The following ARB2A variants were observed in gnomAD, a reference collection of about 807,000 sequenced individuals.
ARB2A encodes ARB2 cotranscriptional regulator A, also known as cotranscriptional regulator ARB2A.
At chr5:94,106,442 T>C in the ARB2A span, among the ~76,000 whole-genome samples, 1 of 151,856 alleles carries the variant, frequency 6.6e-6, no homozygotes, top group African/African-American at 2.4e-5. Context: ...CTCACAACAG[T>C]TGGAAGGGCT....
the ARB2A span, among the ~76,000 whole-genome samples, chr5:93,998,017 A>G: frequency 2.0e-5 from 3 of 150,696 alleles, no homozygotes; most frequent in East Asian, 5.8e-4. Context: ...ACACACACAC[A>G]GAGAGAGAAA....
chr5:93,825,811 T>C, the ARB2A span, among the ~76,000 whole-genome samples: 4 of 151,886 alleles, frequency 2.6e-5, no homozygotes, highest in African/African-American at 9.6e-5. Context: ...TACATTCCCA[T>C]AGTTAGATGT....
chr5:94,037,816 C>A, the ARB2A span, among the ~76,000 whole-genome samples: 1 of 152,056 alleles, frequency 6.6e-6, no homozygotes, highest in African/African-American at 2.4e-5. Flanking sequence ...GTAAATACAG[C>A]CATTGAAAAA....
the ARB2A span, among the ~76,000 whole-genome samples, chr5:93,796,101 T>C: frequency 1.3e-5 from 2 of 152,306 alleles, no homozygotes; most frequent in Non-Finnish European, 2.9e-5. Flanking sequence ...AGGATAAGTA[T>C]GGACAGAGAG....
chr5:94,061,063 C>G, the ARB2A span, among the ~76,000 whole-genome samples: 1 of 152,078 alleles, frequency 6.6e-6, no homozygotes, highest in African/African-American at 2.4e-5. Context: ...ACGGTGAAAC[C>G]CTGTCTCTAC....
chr5:93,843,930 A>ACT, the ARB2A span, among the ~76,000 whole-genome samples: 1 of 152,100 alleles, frequency 6.6e-6, no homozygotes, highest in Non-Finnish European at 1.5e-5. Context: ...CTGATAGATT[A>ACT]AAGTGACTAA....
chr5:93,936,947 T>G, the ARB2A span, among the ~76,000 whole-genome samples: 2 of 150,962 alleles, frequency 1.3e-5, no homozygotes, highest in African/African-American at 4.9e-5. Flanking sequence ...AAGGTTTTTT[T>G]TTTTTTTTTT....
chr5:93,916,191 C>T, the ARB2A span, among the ~76,000 whole-genome samples: 2 of 152,090 alleles, frequency 1.3e-5, no homozygotes, highest in African/African-American at 4.8e-5. Flanking sequence ...CTCCTTCTAT[C>T]ATTGTGAATT....
At chr5:93,865,788 A>G in the ARB2A span, 1 of 985,450 alleles carries the variant, frequency 1.0e-6, no homozygotes, top group Non-Finnish European at 1.2e-6. Flanking sequence ...ATAAATAAGT[A>G]AATCAACATT....
chr5:93,888,331 G>A, the ARB2A span, among the ~76,000 whole-genome samples: 5 of 151,754 alleles, frequency 3.3e-5, no homozygotes, highest in Admixed American at 6.6e-5. Context: ...ATACCCACAC[G>A]TTTATACATT....
the ARB2A span, among the ~76,000 whole-genome samples, chr5:93,678,025 G>A: frequency 1.3e-5 from 2 of 152,216 alleles, no homozygotes; most frequent in African/African-American, 4.8e-5. Context: ...TGTGTTTTGA[G>A]AGGGTAGCAC....
the ARB2A span, chr5:93,776,178 A>G: frequency 6.2e-7 from 1 of 1,609,420 alleles, no homozygotes. Flanking sequence ...CCCGGGGGCA[A>G]TCAGGTAGCA....
chr5:93,643,813 A>G, the ARB2A span, among the ~76,000 whole-genome samples: 1 of 152,232 alleles, frequency 6.6e-6, no homozygotes, highest in African/African-American at 2.4e-5. Flanking sequence ...TTAAAATTCA[A>G]TTTTAAGCAA....
the ARB2A span, among the ~76,000 whole-genome samples, chr5:93,856,265 G>A: frequency 6.6e-6 from 1 of 152,080 alleles, no homozygotes; most frequent in African/African-American, 2.4e-5. Flanking sequence ...GTGTCTTGGA[G>A]TTGCTCTTCT....
At chr5:93,983,193 GTGTGTGTGTGT>G in the ARB2A span, among the ~76,000 whole-genome samples, 10 of 148,254 alleles carry the variant, frequency 6.7e-5, 1 homozygote, top group African/African-American at 2.2e-4. Flanking sequence ...GTGTGTGTGT[GTGTGTGTGTGT>G]GTGTGTGTGT....
At chr5:93,887,069 A>T in the ARB2A span, among the ~76,000 whole-genome samples, 3 of 151,742 alleles carry the variant, frequency 2.0e-5, no homozygotes, top group African/African-American at 7.3e-5. Context: ...CATAGCACTT[A>T]CTCATAAATC....
chr5:93,932,595 A>G, the ARB2A span, among the ~76,000 whole-genome samples: 54 of 152,382 alleles, frequency 3.5e-4, no homozygotes, highest in Admixed American at 9.8e-4. Flanking sequence ...TTATACTAAT[A>G]AAGTTGAATT....
chr5:93,958,842 T>C, the ARB2A span: 1 of 1,607,166 alleles, frequency 6.2e-7, no homozygotes, highest in Non-Finnish European at 8.5e-7. Flanking sequence ...ATAATAAGTC[T>C]TCTAGCCCAC....
the ARB2A span, among the ~76,000 whole-genome samples, chr5:93,999,890 C>T: frequency 1.3e-5 from 2 of 152,012 alleles, no homozygotes; most frequent in Admixed American, 1.3e-4. Context: ...TCCAAAATAC[C>T]ATATATTTGG....
Sources: allele counts gnomAD v4.1 joint callset (sites outside exome capture counted in the v4.1 genomes callset), GRCh38; gene constraint gnomAD v4.1.1; transcripts MANE v1.5; gene names NCBI Gene and HGNC (gene_info 2026-07-23, HGNC 2026-07-21).